MAF: variants seen among roughly 807,000 people sequenced by gnomAD.
The protein encoded by MAF is transcription factor Maf.
MAF carries 10 observed loss-of-function variants against 22.0 expected under a neutral mutation model. The ratio of observed to expected loss-of-function variants is 0.45; its 90% CI spans 0.28 to 0.77. The LOEUF is 0.77. Among genes scored for constraint, MAF ranks in the 30% least tolerant of loss-of-function variants. The probability of loss-of-function intolerance (pLI) is 0.12; values close to 1 mark genes in which losing one functional copy is unlikely to be tolerated. For missense variants in MAF, 544 were observed against 548.4 expected (o/e 0.99, Z 0.08); for synonymous variants, 337 against 255.8 (o/e 1.32, Z -3.03).
chr16:79,482,272 T>G, the MAF span, among the ~76,000 whole-genome samples: 1 of 152,188 alleles, frequency 6.6e-6, no homozygotes, highest in African/African-American at 2.4e-5. Context: ...TTCTTCTCTT[T>G]TTCCCATCTT....
the MAF span, among the ~76,000 whole-genome samples, chr16:79,345,834 G>C: frequency 1.3e-5 from 2 of 148,940 alleles, no homozygotes; most frequent in Non-Finnish European, 3.0e-5. Context: ...GCTGCATATT[G>C]CTGGAGATTT....
chr16:79,212,781 C>G, the MAF span: 4 of 150,772 alleles, frequency 2.7e-5, no homozygotes, highest in African/African-American at 7.3e-5. Context: ...AAGCGCTTCT[C>G]GTAGATGCCA....
the MAF span, among the ~76,000 whole-genome samples, chr16:79,557,057 A>T: frequency 6.6e-6 from 1 of 151,094 alleles, no homozygotes; most frequent in East Asian, 1.9e-4. Context: ...GGCTCAAGTG[A>T]TCCTCCCAGG....
chr16:79,589,670 A>G (rs1021277108), downstream of MAF, among the ~76,000 whole-genome samples: 11 of 152,196 alleles, frequency 7.2e-5, no homozygotes, highest in Non-Finnish European at 1.5e-4. Context: ...CCCTCCCTCC[A>G]GGCGCCCGCC....
At chr16:79,517,616 C>T in the MAF span, among the ~76,000 whole-genome samples, 2 of 139,850 alleles carry the variant, frequency 1.4e-5, no homozygotes, top group African/African-American at 2.7e-5. Context: ...GCTCTATTAC[C>T]CAGACTGGAG....
the MAF span, among the ~76,000 whole-genome samples, chr16:79,257,731 G>A: frequency 6.6e-6 from 1 of 152,200 alleles, no homozygotes; most frequent in Admixed American, 6.5e-5. Flanking sequence ...ATAGAATCTG[G>A]CACCATGTAT....
chr16:79,469,688 C>T, the MAF span, among the ~76,000 whole-genome samples: 6 of 152,078 alleles, frequency 3.9e-5, no homozygotes, highest in African/African-American at 1.4e-4. Context: ...CCTCTACCTC[C>T]CAGGTTCAAG....
chr16:79,329,227 T>G, the MAF span, among the ~76,000 whole-genome samples: 1 of 151,900 alleles, frequency 6.6e-6, no homozygotes, highest in Non-Finnish European at 1.5e-5. Flanking sequence ...GCTCTCAGAG[T>G]TGAGTGATCT....
At chr16:79,492,407 T>C in the MAF span, among the ~76,000 whole-genome samples, 2 of 152,084 alleles carry the variant, frequency 1.3e-5, no homozygotes, top group African/African-American at 2.4e-5. Flanking sequence ...AAAGACCGGA[T>C]CTGACCCTGT....
chr16:79,365,322 G>C, the MAF span, among the ~76,000 whole-genome samples: 2 of 152,156 alleles, frequency 1.3e-5, no homozygotes, highest in African/African-American at 4.8e-5. Context: ...AGCAGCTGTA[G>C]TTTCACATTT....
At chr16:79,423,825 C>A in the MAF span, among the ~76,000 whole-genome samples, 1 of 152,164 alleles carries the variant, frequency 6.6e-6, no homozygotes, top group African/African-American at 2.4e-5. Context: ...CTAGCCTCCA[C>A]CTTTCTATTT....
At chr16:79,292,919 G>C in the MAF span, among the ~76,000 whole-genome samples, 1 of 152,124 alleles carries the variant, frequency 6.6e-6, no homozygotes, top group African/African-American at 2.4e-5. Context: ...ACATAAGAAA[G>C]TTACCCTATA....
the MAF span, among the ~76,000 whole-genome samples, chr16:79,319,727 G>A: frequency 6.6e-6 from 1 of 152,170 alleles, no homozygotes; most frequent in South Asian, 2.1e-4. Flanking sequence ...ATGTGCTAAG[G>A]ACCATTTGTG....
At chr16:79,454,861 C>T in the MAF span, among the ~76,000 whole-genome samples, 9 of 152,100 alleles carry the variant, frequency 5.9e-5, no homozygotes, top group African/African-American at 2.2e-4. Flanking sequence ...CTTTGGGAGG[C>T]CGAGGCAGGT....
chr16:79,346,455 T>A, the MAF span, among the ~76,000 whole-genome samples: 1 of 151,940 alleles, frequency 6.6e-6, no homozygotes, highest in African/African-American at 2.4e-5. Flanking sequence ...AAACAAATGA[T>A]ACTCTGAAAT....
intron 1 of MAF, chr16:79,598,087 C>G: frequency 2.9e-6 from 3 of 1,041,348 alleles, no homozygotes; most frequent in Non-Finnish European, 3.5e-6. Context: ...CGCTGCAAGT[C>G]TATAACATTT....
chr16:79,531,953 A>G, the MAF span, among the ~76,000 whole-genome samples: 11 of 152,066 alleles, frequency 7.2e-5, no homozygotes, highest in African/African-American at 2.7e-4. Context: ...TGGTCTGGGG[A>G]CCGTGGGAAC....
At chr16:79,339,223 C>G in the MAF span, among the ~76,000 whole-genome samples, 1 of 147,720 alleles carries the variant, frequency 6.8e-6, no homozygotes, top group African/African-American at 2.7e-5. Flanking sequence ...GCACCCGCCA[C>G]CACGCCCGGC....
the MAF span, among the ~76,000 whole-genome samples, chr16:79,416,442 C>T: frequency 3.4e-5 from 5 of 148,164 alleles, no homozygotes; most frequent in Admixed American, 6.8e-5. Flanking sequence ...TTTCTCTTCA[C>T]GGTGATACAC....
Sources: gnomAD v4.1 joint callset for allele counts (sites outside exome capture counted in the v4.1 genomes callset) on GRCh38, gnomAD v4.1.1 for gene constraint, MANE v1.5 for transcripts, NCBI Gene and HGNC (gene_info 2026-07-23, HGNC 2026-07-21) for gene names.